The following AK4 variants were observed in gnomAD, a reference collection of about 807,000 sequenced individuals.
AK4 encodes the protein adenylate kinase 4, also known as adenylate kinase 4, mitochondrial.
A neutral mutation model predicts 24.6 loss-of-function variants in AK4; 13 were observed. That is an observed-to-expected ratio of 0.53 (90% confidence interval 0.34 to 0.84). The LOEUF is 0.84. AK4 is among the 40% of genes least tolerant of loss of function. The pLI, the probability that AK4 is intolerant of heterozygous loss-of-function variation, is 0.01. For missense variants in AK4, 192 were observed against 288.2 expected (o/e 0.67, Z 2.42); for synonymous variants, 88 against 107.0 (o/e 0.82, Z 1.10).
Position 65,148,284 on chromosome 1 carries a change from C to T in AK4, c.-124C>T, listed in dbSNP as rs1649633095. On this transcript the variant is annotated 5_prime_UTR_variant, in exon 1 of 5. Coordinates refer to ENST00000327299, the MANE Select transcript of AK4 (RefSeq NM_013410.4). ...TCTCTCCTTCCCCCTGTAGGGGCGG[C>T]CGGCGAGTCCCAGTGAGAGCGGAGG... 3 of 1,330,898 alleles carry T rather than the reference C, an allele frequency of 2.3e-6. No homozygotes were observed. Among genetic ancestry groups the T allele is most frequent in the Non-Finnish European group, 2.0e-6 (2 of 1,002,616 alleles). The allele number at this position is 1,330,898 out of a possible 1,614,324, so 82.4% of individuals were successfully genotyped here.
rs374408153 is a variant in AK4 at position 65,226,368 on chromosome 1, C to T, written c.*191C>T. The T allele has an allele frequency of 1.2e-6, 1 of 856,860 alleles. No homozygotes were observed. Among genetic ancestry groups the T allele is most frequent in the East Asian group, 2.8e-5 (1 of 36,158 alleles). The allele number at this position is 856,860 out of a possible 1,614,324, so 53.1% of individuals were successfully genotyped here. A position where few individuals can be genotyped will look rare whatever the true frequency, so the allele number is the denominator to read the frequency against. ...AGGCCCTCCTCTGCCTTTCAAAAGG[C>T]TGGTCACCTACACATGTTTAAGGTG... On this transcript the variant is annotated 3_prime_UTR_variant, in exon 5 of 5. Coordinates refer to ENST00000327299, the MANE Select transcript of AK4 (RefSeq NM_013410.4).
At chr1:65,181,495 C>G (rs1251330190) in intron 1 of AK4, among the ~76,000 whole-genome samples, 2 of 151,572 alleles carry the variant, frequency 1.3e-5, no homozygotes, top group Non-Finnish European at 2.9e-5. Flanking sequence ...CTCCCAGGTT[C>G]AAGGCCTCAG....
At chr1:65,160,230 TC>T (rs1041011337) in intron 1 of AK4, among the ~76,000 whole-genome samples, 15 of 152,190 alleles carry the variant, frequency 9.9e-5, no homozygotes, top group African/African-American at 3.6e-4. Context: ...ATACCTGAGA[TC>T]AAGTAATTTA....
At chr1:65,153,363 G>A (rs914521264) in intron 1 of AK4, among the ~76,000 whole-genome samples, 2 of 152,024 alleles carry the variant, frequency 1.3e-5, no homozygotes, top group East Asian at 1.9e-4. Context: ...TTGATTTCCC[G>A]GGCTCAAGTG....
intron 2 of AK4, among the ~76,000 whole-genome samples, chr1:65,210,770 C>T (rs955100147): frequency 7.2e-5 from 11 of 152,216 alleles, no homozygotes; most frequent in East Asian, 5.8e-4. Context: ...TTCCCAGTAC[C>T]GTCCGCCCCC....
chr1:65,177,584 C>T (rs1444774512), intron 1 of AK4, among the ~76,000 whole-genome samples: 1 of 152,208 alleles, frequency 6.6e-6, no homozygotes, highest in Admixed American at 6.5e-5. Flanking sequence ...AAACTTCCTG[C>T]TGCTTCTGTC....
At chr1:65,206,539 GC>G (rs1255365237) in intron 2 of AK4, among the ~76,000 whole-genome samples, 1 of 152,250 alleles carries the variant, frequency 6.6e-6, no homozygotes, top group African/African-American at 2.4e-5. Context: ...CTTGAGTCCA[GC>G]CTGGTTAACA....
At chr1:65,225,577 T>C (rs1475588036) in intron 4 of AK4, among the ~76,000 whole-genome samples, 1 of 152,216 alleles carries the variant, frequency 6.6e-6, no homozygotes, top group Non-Finnish European at 1.5e-5. Context: ...CAAAACTTTA[T>C]GCTGAGTGCA....
At chr1:65,206,583 A>G (rs1458118027) in intron 2 of AK4, among the ~76,000 whole-genome samples, 1 of 152,240 alleles carries the variant, frequency 6.6e-6, no homozygotes, top group Non-Finnish European at 1.5e-5. Context: ...GCGTGTGTGC[A>G]CGTGCGTGCG....
upstream of AK4, chr1:65,147,833 C>T (rs907493970): frequency 1.3e-5 from 2 of 152,226 alleles, no homozygotes; most frequent in African/African-American, 2.4e-5. Context: ...ATGTGACAGC[C>T]GCCGGGGAGG....
At chr1:65,210,628 GTAT>G (rs1432526132) in intron 2 of AK4, among the ~76,000 whole-genome samples, 10 of 152,170 alleles carry the variant, frequency 6.6e-5, no homozygotes, top group East Asian at 1.9e-4. Flanking sequence ...GGTGGTGGTG[GTAT>G]TATTATTCTG....
intron 3 of AK4, among the ~76,000 whole-genome samples, chr1:65,221,949 C>T (rs1263676483): frequency 6.6e-6 from 1 of 152,198 alleles, no homozygotes; most frequent in Non-Finnish European, 1.5e-5. Context: ...ATTTAGGACA[C>T]GGACGCAAGG....
chr1:65,185,062 A>T (rs1321937047), intron 1 of AK4, among the ~76,000 whole-genome samples: 1 of 152,094 alleles, frequency 6.6e-6, no homozygotes, highest in Non-Finnish European at 1.5e-5. Context: ...GCTTGTGTTG[A>T]ATTAACTCAA....
Position 65,226,860 on chromosome 1 carries a change from A to C in AK4, c.*683A>C, listed in dbSNP as rs1025840893. ...TGTTTTCACTCTTAGGCTTTTAAACAATAGTTATTGCTTTTATCCCTCTCA... is the reference window on the plus strand; with the variant it reads ...TGTTTTCACTCTTAGGCTTTTAAACCATAGTTATTGCTTTTATCCCTCTCA... On this transcript the variant is annotated 3_prime_UTR_variant, in exon 5 of 5. Transcript: ENST00000327299. The C allele has an allele frequency of 6.7e-6, 1 of 149,120 alleles. No homozygotes were observed. Among genetic ancestry groups the C allele is most frequent in the Non-Finnish European group, 1.5e-5 (1 of 67,764 alleles). The allele number at this position is 149,120 out of a possible 1,614,324, so 9.2% of individuals were successfully genotyped here. A position where few individuals can be genotyped will look rare whatever the true frequency, so the allele number is the denominator to read the frequency against.
chr1:65,190,416 C>A (rs946034964), intron 1 of AK4, among the ~76,000 whole-genome samples: 1 of 138,316 alleles, frequency 7.2e-6, no homozygotes, highest in Admixed American at 7.7e-5. Context: ...GCACGAGCCA[C>A]ACACGTGGCC....
intron 1 of AK4, among the ~76,000 whole-genome samples, chr1:65,177,097 G>A (rs1650743652): frequency 6.6e-6 from 1 of 152,184 alleles, no homozygotes; most frequent in African/African-American, 2.4e-5. Context: ...ACAGATTTGA[G>A]TAATGTTGGC....
chr1:65,158,666 A>G (rs1395716380), intron 1 of AK4, among the ~76,000 whole-genome samples: 1 of 151,856 alleles, frequency 6.6e-6, no homozygotes, highest in Non-Finnish European at 1.5e-5. Flanking sequence ...ATGACCTGCT[A>G]AATTTTTTTT....
chr1:65,228,548 TC>T lies in AK4; in HGVS notation c.*2372del, dbSNP rs1652536010. On this transcript the variant is annotated 3_prime_UTR_variant, in exon 5 of 5. Transcript: ENST00000327299. ...GACCAAAAAGAGACAAATAACTTTT[TC>T]ATGGTCTTTGAAACATAATGCTTAT... is the stretch of plus-strand genomic sequence containing the variant. The T allele has an allele frequency of 6.6e-6, 1 of 152,148 alleles. No individual in the cohort carries two copies. Among genetic ancestry groups the T allele is most frequent in the South Asian group, 2.1e-4 (1 of 4,830 alleles). The allele number at this position is 152,148 out of a possible 1,614,324, so 9.4% of individuals were successfully genotyped here.
intron 1 of AK4, among the ~76,000 whole-genome samples, chr1:65,150,285 C>CT (rs71703627): frequency 0.032 from 4,461 of 140,822 alleles, 137 homozygotes; most frequent in African/African-American, 0.079. Context: ...CTCTCTCTCT[C>CT]TTTTTTTTTT....
Sources: gnomAD v4.1 joint callset for allele counts (sites outside exome capture counted in the v4.1 genomes callset) on GRCh38, gnomAD v4.1.1 for gene constraint, MANE v1.5 for transcripts, NCBI Gene and HGNC (gene_info 2026-07-23, HGNC 2026-07-21) for gene names.